CASK: variants seen among roughly 807,000 people sequenced by gnomAD.
CASK encodes calcium/calmodulin dependent serine protein kinase.
CASK carries 4 observed loss-of-function variants against 82.9 expected under a neutral mutation model. The ratio of observed to expected loss-of-function variants is 0.05; its 90% CI spans 0.02 to 0.11. The LOEUF (loss-of-function observed/expected upper bound fraction) is 0.11. Among genes scored for constraint, CASK ranks in the 10% least tolerant of loss-of-function variants. CASK has a pLI of 1.00. For synonymous variants in CASK, 259 were observed against 253.5 expected (o/e 1.02, Z -0.20); for missense variants, 358 against 720.9 (o/e 0.50, Z 5.76).
At chrX:41,535,765 G>C (rs969671944) in intron 22 of CASK, among the ~76,000 whole-genome samples, 12 of 111,905 alleles carry the variant, frequency 1.1e-4, no homozygotes, top group African/African-American at 3.9e-4. Flanking sequence ...AATCACTACA[G>C]ACTGAGGAGA....
chrX:41,694,849 C>A (rs1241069162), intron 5 of CASK, among the ~76,000 whole-genome samples: 2 of 111,501 alleles, frequency 1.8e-5, no homozygotes, highest in African/African-American at 6.5e-5. Context: ...TTCTTTATTC[C>A]CACTTATAGA....
intron 1 of CASK, among the ~76,000 whole-genome samples, chrX:41,914,154 C>A (rs891568263): frequency 9.0e-6 from 1 of 111,675 alleles, no homozygotes; most frequent in Non-Finnish European, 1.9e-5. Context: ...TTTAAATATA[C>A]CAAAATACTC....
At chrX:41,719,202 C>G (rs2068117653) in intron 5 of CASK, among the ~76,000 whole-genome samples, 1 of 111,808 alleles carries the variant, frequency 8.9e-6, no homozygotes, top group Admixed American at 9.5e-5. Flanking sequence ...TGGAATGGCC[C>G]TGGTTCAGGT....
chrX:41,535,743 G>A (rs2064865485), intron 22 of CASK, among the ~76,000 whole-genome samples: 1 of 112,047 alleles, frequency 8.9e-6, no homozygotes, highest in African/African-American at 3.2e-5. Flanking sequence ...CTTTGCAAAA[G>A]TGGAGTTCTC....
At chrX:41,784,391 G>A (rs772697704) in intron 3 of CASK, among the ~76,000 whole-genome samples, 3 of 112,309 alleles carry the variant, frequency 2.7e-5, no homozygotes, top group Non-Finnish European at 5.6e-5. Flanking sequence ...TAAGATGAGT[G>A]TCACAGGGAT....
At chrX:41,612,751 TG>T (rs756228813) in intron 11 of CASK, among the ~76,000 whole-genome samples, 6,891 of 34,478 alleles carry the variant, frequency 0.2, 513 homozygotes, top group Non-Finnish European at 0.25. Context: ...GGGAGGGAGG[TG>T]GGGGGGGGTC....
At chrX:41,853,012 C>A in intron 2 of CASK, 103 bp downstream of exon 2, 1 of 548,583 alleles carries the variant, frequency 1.8e-6, no homozygotes, top group Non-Finnish European at 3.2e-6. Context: ...CTACATCATA[C>A]CCTCTGCTTC....
intron 3 of CASK, among the ~76,000 whole-genome samples, chrX:41,768,892 T>C (rs1468642517): frequency 8.9e-6 from 1 of 111,763 alleles, no homozygotes; most frequent in Admixed American, 9.5e-5. Context: ...TGAAAGTGAC[T>C]AGATGCAAAA....
chrX:41,908,477 T>C (rs758568921), intron 1 of CASK, among the ~76,000 whole-genome samples: 39 of 111,641 alleles, frequency 3.5e-4, no homozygotes, highest in Middle Eastern at 4.7e-3. Context: ...CAGTAAGAAT[T>C]GGGAAAAATG....
chrX:41,882,377 A>G (rs1234899475), intron 1 of CASK, among the ~76,000 whole-genome samples: 1 of 111,948 alleles, frequency 8.9e-6, no homozygotes, highest in East Asian at 2.8e-4. Context: ...TAAGTTAAAC[A>G]GCATAAAGGA....
In CASK at chrX:41,901,806, C is replaced by T. The variant is rs149986014; in HGVS notation, c.59+21124G>A. 3.8e-3 allele frequency among the ~76,000 whole-genome samples: 420 copies of T among 111,943 alleles called. 2 individuals carry two copies. Among genetic ancestry groups the T allele is most frequent in the African/African-American group, 0.013 (409 of 30,810 alleles). On this transcript the variant is annotated intron_variant, in intron 1 of 26. Transcript: ENST00000378163. ...GCCTAAAGCCTGTATTCACAGGGGC[C>T]AGTGTGAATCCTGGGTCCATAAAGC...
chrX:41,902,250 T>G (rs776575355), intron 1 of CASK, among the ~76,000 whole-genome samples: 1 of 112,350 alleles, frequency 8.9e-6, no homozygotes, highest in South Asian at 3.7e-4. Context: ...TACCACAAAC[T>G]TAGTGGCTTT....
chrX:41,826,519 C>T (rs2070669959), intron 2 of CASK, among the ~76,000 whole-genome samples: 1 of 111,801 alleles, frequency 8.9e-6, no homozygotes, highest in African/African-American at 3.3e-5. Flanking sequence ...GCTGCCCAGG[C>T]TGGAGTGCAG....
At chrX:41,778,388 G>A (rs992929750) in intron 3 of CASK, among the ~76,000 whole-genome samples, 77 of 109,378 alleles carry the variant, frequency 7.0e-4, no homozygotes, top group Non-Finnish European at 1.2e-3. Flanking sequence ...CCGCCACCAC[G>A]CCTGGCTAAT....
chrX:41,847,910 T>C (rs2071189944), intron 2 of CASK, among the ~76,000 whole-genome samples: 2 of 112,309 alleles, frequency 1.8e-5, no homozygotes, highest in Admixed American at 9.4e-5. Context: ...TTATGTAGCC[T>C]GAAAGTCAGC....
At position 41,517,037 on chromosome X, in the gene CASK, A is replaced by G. The variant is rs1253051883; in HGVS notation, c.*3383T>C. 8.9e-6 allele frequency: 1 copy of G among 112,298 alleles called. No individual in the cohort carries two copies. Among genetic ancestry groups the G allele is most frequent in the Non-Finnish European group, 1.9e-5 (1 of 53,261 alleles). The allele number at this position is 112,298 out of a possible 1,213,427, so 9.3% of individuals were successfully genotyped here. ...TGAAGAGACAAATACAAGTGATTTAAAAACAAAAGAACTCTGCAGCGATCA... is the reference window on the plus strand; with the variant it reads ...TGAAGAGACAAATACAAGTGATTTAGAAACAAAAGAACTCTGCAGCGATCA... On this transcript the variant is annotated 3_prime_UTR_variant, in exon 27 of 27. Transcript: ENST00000378163.
chrX:41,857,979 G>C (rs2071403136), intron 1 of CASK, among the ~76,000 whole-genome samples: 1 of 112,263 alleles, frequency 8.9e-6, no homozygotes, highest in African/African-American at 3.2e-5. Context: ...TTCTAATCTT[G>C]AATTCAACAT....
chrX:41,639,679 T>C (rs1167605626), intron 8 of CASK, among the ~76,000 whole-genome samples: 4 of 111,652 alleles, frequency 3.6e-5, no homozygotes, highest in Admixed American at 9.6e-5. Context: ...CATAAAACCA[T>C]TACCATGATC....
At chrX:41,708,905 T>C in intron 5 of CASK, among the ~76,000 whole-genome samples, 1 of 111,512 alleles carries the variant, frequency 9.0e-6, no homozygotes, top group South Asian at 3.7e-4. Flanking sequence ...AGAGAACTTA[T>C]ACTTCCAAGT....
Sources: gnomAD v4.1 joint callset for allele counts (sites outside exome capture counted in the v4.1 genomes callset) on GRCh38, gnomAD v4.1.1 for gene constraint, MANE v1.5 for transcripts, NCBI Gene and HGNC (gene_info 2026-07-23, HGNC 2026-07-21) for gene names.